Variants in RSU1 observed in about 807,000 individuals in gnomAD.
RSU1 encodes the protein Ras suppressor protein 1, also known as rsu-1.
Under a neutral mutation model 31.1 loss-of-function variants are expected in RSU1, and 26 were observed. The observed-to-expected ratio is 0.84, with a 90% CI of 0.61 to 1.16. RSU1 has a LOEUF of 1.16. Among genes scored for constraint, RSU1 ranks in the 50% most tolerant of loss-of-function variants. RSU1 has a pLI of 0.00. For synonymous variants in RSU1, 164 were observed against 136.3 expected (o/e 1.20, Z -1.41); for missense variants, 320 against 339.1 (o/e 0.94, Z 0.44).
chr10:16,722,944 A>ATG (rs1190258394), intron 7 of RSU1: 18 of 150,476 alleles, frequency 1.2e-4, no homozygotes, highest in Middle Eastern at 7.1e-3. Flanking sequence ...ATATACATAT[A>ATG]TGTATATATA....
At chr10:16,593,728 C>A (rs150876392) in intron 8 of RSU1, among the ~76,000 whole-genome samples, 2 of 152,352 alleles carry the variant, frequency 1.3e-5, no homozygotes, top group East Asian at 3.9e-4. Context: ...TGGGATTTCA[C>A]ACTCACTGGG....
chr10:16,620,264 G>C (rs993091504), intron 8 of RSU1, among the ~76,000 whole-genome samples: 1 of 152,110 alleles, frequency 6.6e-6, no homozygotes, highest in African/African-American at 2.4e-5. Context: ...TAAGTATCTT[G>C]AAAAAATGTA....
At chr10:16,671,548 A>C (rs977677025) in intron 8 of RSU1, among the ~76,000 whole-genome samples, 17 of 152,102 alleles carry the variant, frequency 1.1e-4, no homozygotes, top group Non-Finnish European at 7.4e-5. Flanking sequence ...TCCTGGGCTC[A>C]AGCGATCCTC....
chr10:16,724,089 T>C (rs1222210037), intron 7 of RSU1, among the ~76,000 whole-genome samples: 1 of 152,052 alleles, frequency 6.6e-6, no homozygotes. Flanking sequence ...TACAGGCACC[T>C]GCCACCATGT....
chr10:16,639,899 C>T (rs759501915), intron 8 of RSU1, among the ~76,000 whole-genome samples: 18 of 152,142 alleles, frequency 1.2e-4, no homozygotes, highest in Non-Finnish European at 1.9e-4. Flanking sequence ...ATCTCACCAG[C>T]GAGCTTCAAA....
chr10:16,805,916 C>G (rs377555778), intron 2 of RSU1, among the ~76,000 whole-genome samples: 2 of 152,062 alleles, frequency 1.3e-5, no homozygotes, highest in Admixed American at 1.3e-4. Context: ...GCCTTGCATT[C>G]TGTTATGTAT....
intron 8 of RSU1, among the ~76,000 whole-genome samples, chr10:16,636,151 T>C (rs945005409): frequency 2.0e-5 from 3 of 152,100 alleles, no homozygotes; most frequent in African/African-American, 7.2e-5. Context: ...AACACATCTC[T>C]ATCTCCAGCC....
chr10:16,747,870 A>G (rs1318814386), intron 7 of RSU1, among the ~76,000 whole-genome samples: 1 of 152,078 alleles, frequency 6.6e-6, no homozygotes, highest in Non-Finnish European at 1.5e-5. Context: ...CCATCTCCAC[A>G]AAAAACTGAG....
chr10:16,645,872 ATATATGTG>A (rs1211236533), intron 8 of RSU1, among the ~76,000 whole-genome samples: 1 of 115,980 alleles, frequency 8.6e-6, no homozygotes, highest in African/African-American at 4.4e-5. Context: ...GTATATATAC[ATATATGTG>A]TATATACATA....
chr10:16,710,861 G>A (rs573412313), intron 7 of RSU1, among the ~76,000 whole-genome samples: 6 of 151,998 alleles, frequency 3.9e-5, no homozygotes, highest in Middle Eastern at 3.4e-3. Flanking sequence ...GCTCCCCTCC[G>A]TGTGTCCATG....
In RSU1 at chr10:16,809,948, C is replaced by T. The variant is rs138577439; in HGVS notation, c.109+7025G>A. 6.4e-3 allele frequency among the ~76,000 whole-genome samples: 939 copies of T among 147,860 alleles called. 8 individuals are homozygous for T. Among genetic ancestry groups the T allele is most frequent in the African/African-American group, 0.02 (793 of 40,090 alleles). ...TTAAAATTCAATATAAGACCAGGCA[C>T]ATTGGCTCACACCTGTAATCCCAGC... On this transcript the variant is annotated intron_variant, in intron 2 of 8. Transcript: ENST00000345264.
intron 8 of RSU1, among the ~76,000 whole-genome samples, chr10:16,676,612 C>T (rs1244253307): frequency 1.3e-5 from 2 of 152,142 alleles, no homozygotes; most frequent in Non-Finnish European, 2.9e-5. Flanking sequence ...TTTGGATTGA[C>T]ATATTTGTAC....
rs2131447369 is a variant in RSU1, at chr10:16,593,038, A to G, written c.*356T>C. 5.8e-6 allele frequency: 1 copy of G among 172,794 alleles called. No homozygotes were observed. The highest frequency in any genetic ancestry group is 2.4e-5 in the African/African-American group (1 of 42,218). The allele number at this position is 172,794 out of a possible 1,614,324, so 10.7% of individuals were successfully genotyped here. A position where few individuals can be genotyped will look rare whatever the true frequency, so the allele number is the denominator to read the frequency against. ...TCAACAGAAAGAGTGAAAAGTGTTA[A>G]CAGTGACATTTAAATGGTTACATGA... On this transcript the variant is annotated 3_prime_UTR_variant, in exon 9 of 9. Transcript: ENST00000345264.
At position 16,675,138 on chromosome 10, in the gene RSU1, G is replaced by A. The variant is rs559074382; in HGVS notation, c.731+19885C>T. ...TGAGAATCGCTTGAATCCAGGAGGC[G>A]GAGGTTGCGGTGAGATTGCACCCCT... On this transcript the variant is annotated intron_variant, in intron 8 of 8. Transcript: ENST00000345264. 3.9e-4 allele frequency among the ~76,000 whole-genome samples: 58 copies of A among 150,126 alleles called. No individual in the cohort carries two copies. The South Asian group carries it at 8.6e-3, about 22-fold the overall frequency.
At chr10:16,744,593 A>T in intron 7 of RSU1, among the ~76,000 whole-genome samples, 1 of 152,216 alleles carries the variant, frequency 6.6e-6, no homozygotes, top group Non-Finnish European at 1.5e-5. Context: ...GTTAATAATC[A>T]TATAAAGGAT....
chr10:16,762,774 G>A (rs1837234893), intron 4 of RSU1, among the ~76,000 whole-genome samples: 1 of 152,080 alleles, frequency 6.6e-6, no homozygotes, highest in African/African-American at 2.4e-5. Context: ...CCAGCACTTT[G>A]GGAGGCGGAG....
chr10:16,736,022 T>A (rs1209786723), intron 7 of RSU1, among the ~76,000 whole-genome samples: 1 of 152,038 alleles, frequency 6.6e-6, no homozygotes, highest in Non-Finnish European at 1.5e-5. Flanking sequence ...CAAGAGTGGA[T>A]CAAACAATAC....
chr10:16,593,299 C>A lies in RSU1; in HGVS notation c.*95G>T. 2 of 1,567,056 alleles carry A rather than the reference C, an allele frequency of 1.3e-6. No homozygotes were observed. On this transcript the variant is annotated 3_prime_UTR_variant, in exon 9 of 9. Coordinates refer to ENST00000345264, the MANE Select transcript of RSU1 (RefSeq NM_012425.4). Reference sequence around the variant, plus strand: ...GAAAAGAAAAATAAAAAAGGCCTCACACGCAGCATTGGGTTTATTTGAGAG... The same window carrying A: ...GAAAAGAAAAATAAAAAAGGCCTCAAACGCAGCATTGGGTTTATTTGAGAG...
chr10:16,796,744 G>A (rs1262775207), intron 2 of RSU1, among the ~76,000 whole-genome samples: 1 of 152,116 alleles, frequency 6.6e-6, no homozygotes, highest in African/African-American at 2.4e-5. Context: ...CGTGGAGGCA[G>A]CATGGCAGAT....
Sources: allele counts gnomAD v4.1 joint callset (sites outside exome capture counted in the v4.1 genomes callset), GRCh38; gene constraint gnomAD v4.1.1; transcripts MANE v1.5; gene names NCBI Gene and HGNC (gene_info 2026-07-23, HGNC 2026-07-21).